The following PRDM11 variants were observed in gnomAD, a reference collection of about 807,000 sequenced individuals.
PRDM11 encodes PR/SET domain 11.
Under a neutral mutation model 97.8 loss-of-function variants are expected in PRDM11, and 20 were observed. The observed-to-expected ratio is 0.20, with a 90% confidence interval of 0.14 to 0.30. The LOEUF (loss-of-function observed/expected upper bound fraction) is 0.30. Among genes scored for constraint, PRDM11 ranks in the 10% least tolerant of loss-of-function variants. The pLI is 1.00. For missense variants in PRDM11, 1,139 were observed against 1,555.2 expected, an observed-to-expected ratio of 0.73 and a Z score of 4.50; for synonymous variants, 599 against 637.7, an observed-to-expected ratio of 0.94 and a Z score of 0.91.
At chr11:45,202,743 GGA>G (rs71451606) in intron 4 of PRDM11, among the ~76,000 whole-genome samples, 31,859 of 152,120 alleles carry the variant, frequency 0.21, 3,923 homozygotes, top group South Asian at 0.3. Flanking sequence ...TGAAGCAAAA[GGA>G]GAGAGAGGCC....
intron 4 of PRDM11, among the ~76,000 whole-genome samples, chr11:45,188,827 G>T (rs905217792): frequency 6.6e-6 from 1 of 152,250 alleles, no homozygotes; most frequent in African/African-American, 2.4e-5. Flanking sequence ...GAGGCATTTG[G>T]GGGTGCTGCG....
rs1213850416 is a variant in PRDM11 at position 45,231,168 on chromosome 11, A to G, written c.*3009A>G. On this transcript the variant is annotated 3_prime_UTR_variant, in exon 8 of 8. Transcript: ENST00000683152. Reference sequence around the variant, plus strand: ...GCCACACTGCCATGGGACAGGGAATAATTTGGGTGATACACCACTGCAATT... The same window carrying G: ...GCCACACTGCCATGGGACAGGGAATGATTTGGGTGATACACCACTGCAATT... The G allele has an allele frequency of 6.6e-6, 1 of 152,302 alleles. No individual in the cohort carries two copies. The highest frequency in any genetic ancestry group is 1.9e-4 in the East Asian group (1 of 5,162). 9.4% of individuals were successfully genotyped at this position (152,302 alleles called of 1,614,324 possible). A position where few individuals can be genotyped will look rare whatever the true frequency, so the allele number is the denominator to read the frequency against.
At chr11:45,174,811 C>A (rs751204479) in intron 1 of PRDM11, among the ~76,000 whole-genome samples, 1 of 152,212 alleles carries the variant, frequency 6.6e-6, no homozygotes, top group Admixed American at 6.5e-5. Flanking sequence ...CCTGAACTAA[C>A]CACTAGTGAT....
intron 1 of PRDM11, among the ~76,000 whole-genome samples, chr11:45,175,905 G>A (rs1247727652): frequency 6.6e-6 from 1 of 152,128 alleles, no homozygotes; most frequent in Admixed American, 6.5e-5. Flanking sequence ...ATTTATTTGA[G>A]TATTAATGTC....
rs113490221 is a variant in PRDM11 at position 45,229,864 on chromosome 11, A to G, written c.*1705A>G. ...TTATCTGGCCACAGGCAAGGCCCCA[A>G]TGTCTTCAGCCTGCTTGGTTCAGAC... On this transcript the variant is annotated 3_prime_UTR_variant, in exon 8 of 8. Transcript: ENST00000683152. 3.9e-5 allele frequency: 6 copies of G among 152,286 alleles called. No homozygotes were observed. The highest frequency in any genetic ancestry group is 2.1e-4 in the South Asian group (1 of 4,814). The allele number at this position is 152,286 out of a possible 1,614,324, so 9.4% of individuals were successfully genotyped here. A position where few individuals can be genotyped will look rare whatever the true frequency, so the allele number is the denominator to read the frequency against.
intron 4 of PRDM11, among the ~76,000 whole-genome samples, chr11:45,199,722 T>A (rs928216162): frequency 1.3e-5 from 2 of 152,172 alleles, no homozygotes; most frequent in Non-Finnish European, 2.9e-5. Context: ...CCTGGACCCA[T>A]GTCAGTCCCA....
chr11:45,108,038 G>A (rs1272206711), intron 1 of PRDM11, among the ~76,000 whole-genome samples: 1 of 152,076 alleles, frequency 6.6e-6, no homozygotes, highest in Non-Finnish European at 1.5e-5. Context: ...TAGAGACAGG[G>A]TCTCACCATG....
chr11:45,208,535 A>G (rs1403089849), intron 5 of PRDM11, among the ~76,000 whole-genome samples: 1 of 152,110 alleles, frequency 6.6e-6, no homozygotes, highest in Non-Finnish European at 1.5e-5. Flanking sequence ...AATAAACCCG[A>G]AGAGTTGTGG....
chr11:45,158,171 G>T lies in PRDM11; in HGVS notation c.-7+11294G>T, dbSNP rs1375271199. On this transcript the variant is annotated intron_variant, in intron 1 of 7. Coordinates refer to ENST00000683152, the MANE Select transcript of PRDM11 (RefSeq NM_001384648.1). ...CAGGGAGTCGCTGGTCTTCAACTCT[G>T]TCACAGCCTCCTGTCCCTAGAGTAA... is the stretch of plus-strand genomic sequence containing the variant. 2.6e-5 allele frequency among the ~76,000 whole-genome samples: 4 copies of T among 152,226 alleles called. No individual in the cohort carries two copies. In the East Asian group the frequency reaches 7.7e-4, roughly 29 times the overall value.
chr11:45,211,496 G>A (rs1046940485), intron 5 of PRDM11, among the ~76,000 whole-genome samples: 1 of 151,992 alleles, frequency 6.6e-6, no homozygotes, highest in African/African-American at 2.4e-5. Context: ...CCCCCTCCCT[G>A]TGTCCGGCTG....
chr11:45,168,918 C>T (rs780294647), intron 1 of PRDM11, among the ~76,000 whole-genome samples: 4 of 152,230 alleles, frequency 2.6e-5, no homozygotes, highest in Non-Finnish European at 4.4e-5. Context: ...CCACAGGCCA[C>T]ACCCCCTTCT....
At chr11:45,137,470 G>C (rs1209100786) in intron 1 of PRDM11, among the ~76,000 whole-genome samples, 1 of 152,122 alleles carries the variant, frequency 6.6e-6, no homozygotes, top group Non-Finnish European at 1.5e-5. Context: ...CAGATGGGAG[G>C]CTGGGTGTGG....
At chr11:45,101,225 T>C (rs1171848417) in intron 1 of PRDM11, among the ~76,000 whole-genome samples, 2 of 152,126 alleles carry the variant, frequency 1.3e-5, no homozygotes, top group East Asian at 3.9e-4. Flanking sequence ...AGCAGAGACT[T>C]GCCCAGTCCT....
upstream of PRDM11, among the ~76,000 whole-genome samples, chr11:45,141,894 T>G (rs1272281378): frequency 1.3e-5 from 2 of 152,144 alleles, 1 homozygote; most frequent in African/African-American, 4.8e-5. Context: ...AAGGGAGTTT[T>G]TGTTGTTTCA....
chr11:45,120,983 T>C (rs1852418288), intron 1 of PRDM11, among the ~76,000 whole-genome samples: 1 of 152,040 alleles, frequency 6.6e-6, no homozygotes, highest in Non-Finnish European at 1.5e-5. Context: ...TAAGGTAGAC[T>C]GTAATAATTC....
At chr11:45,213,003 C>T in intron 5 of PRDM11, 2 of 404,004 alleles carry the variant, frequency 5.0e-6, no homozygotes, top group Non-Finnish European at 1.0e-5. Context: ...TCAGCCCCCA[C>T]ACGGACTACC....
chr11:45,226,625 A>G lies in PRDM11; in HGVS notation c.2000A>G (p.Asp667Gly). Residue 667 changes from aspartate (D) to glycine (G), a missense_variant, in exon 8 of 8, where the codon GAC becomes GGC. By Grantham distance (94) the Asp-to-Gly change is moderately conservative (BLOSUM62 -1). This residue lies in a region of PRDM11 where 710 missense variants were observed against 1,044.9 expected (regional missense o/e 0.68). Transcript: ENST00000683152. ...AGCGTCATCCTGGATGGGCAGAGCG[A>G]CGACCTGCTGGCCGACACGGTGGCT... ...CLSVILDGQS[D>G]DLLADTVAVY... 1 of 1,533,950 alleles carries G rather than the reference A, an allele frequency of 6.5e-7. No homozygotes were observed. The highest frequency in any genetic ancestry group is 8.7e-7 in the Non-Finnish European group (1 of 1,146,726).
intron 1 of PRDM11, among the ~76,000 whole-genome samples, chr11:45,160,871 G>A (rs1851910437): frequency 6.6e-6 from 1 of 152,198 alleles, no homozygotes; most frequent in Non-Finnish European, 1.5e-5. Context: ...CAGCTCTCCT[G>A]GCCCCTGCTA....
In PRDM11 at chr11:45,227,882, C is replaced by G. The variant is rs1341264168; in HGVS notation, c.3257C>G (p.Ala1086Gly). The G allele has an allele frequency of 6.5e-7, 1 of 1,533,976 alleles. No homozygotes were observed. Among genetic ancestry groups the G allele is most frequent in the Admixed American group, 2.0e-5 (1 of 50,990 alleles). ...CTTAAAGTCCTCCCCACTTCCACCG[C>G]TTGCTGCGAGAAAGGCCGCAATGCC... ...QVLKVLPTSTACCEKGRNALQ... is the reference protein window; with the variant it reads ...QVLKVLPTSTGCCEKGRNALQ... The change falls in exon 8 of 8, where the codon GCT becomes GGT. Residue 1086 changes from alanine to glycine, a missense_variant. Transcript: ENST00000683152. The surrounding 1 kb of genome is among the most constrained non-coding windows in gnomAD (Gnocchi z 8.0).
Sources: allele counts gnomAD v4.1 joint callset (sites outside exome capture counted in the v4.1 genomes callset), GRCh38; gene constraint gnomAD v4.1.1; regional missense constraint gnomAD v4.1.1; non-coding constraint Gnocchi (gnomAD v3.1); transcripts MANE v1.5; gene names NCBI Gene and HGNC (gene_info 2026-07-23, HGNC 2026-07-21).